RFX3: variants seen among roughly 807,000 people sequenced by gnomAD.
The protein encoded by RFX3 is regulatory factor X3.
A neutral mutation model predicts 98.6 loss-of-function variants in RFX3; 14 were observed. That is an observed-to-expected ratio of 0.14 (90% CI 0.09 to 0.22). The LOEUF (loss-of-function observed/expected upper bound fraction) is 0.22, where lower values mean the gene tolerates loss of function less well. Among genes scored for constraint, RFX3 ranks in the 10% least tolerant of loss-of-function variants. The pLI is 1.00. For missense variants in RFX3, 639 were observed against 926.9 expected, an observed-to-expected ratio of 0.69 and a Z score of 4.03; for synonymous variants, 383 against 328.4, an observed-to-expected ratio of 1.17 and a Z score of -1.80.
intron 1 of RFX3, among the ~76,000 whole-genome samples, chr9:3,429,046 G>A (rs1448387051): frequency 2.1e-5 from 3 of 142,586 alleles, no homozygotes; most frequent in South Asian, 2.1e-4. Context: ...TTTTTGAGAC[G>A]GAGTCTCGCT....
In RFX3 at chr9:3,245,478, T is replaced by A. The variant is rs140651002; in HGVS notation, c.1968+2554A>T. Among the ~76,000 whole-genome samples the A allele has an allele frequency of 4.8e-3, 729 of 152,130 alleles. 2 individuals are homozygous for A. The highest frequency in any genetic ancestry group is 0.017 in the African/African-American group (706 of 41,486). On this transcript the variant is annotated intron_variant, in intron 15 of 16. Transcript: ENST00000617270. ...GGGAAAGTCACTGAAGGGTTTCAAG[T>A]GGGGGATGACACAGTCAGCTTTGCA...
chr9:3,400,429 C>T (rs183322735), intron 1 of RFX3, among the ~76,000 whole-genome samples: 54 of 152,328 alleles, frequency 3.5e-4, no homozygotes, highest in African/African-American at 1.3e-3. Flanking sequence ...AAGCCTAGTC[C>T]TGCACAACCA....
intron 4 of RFX3, among the ~76,000 whole-genome samples, chr9:3,327,992 A>C (rs1171142420): frequency 6.6e-6 from 1 of 152,186 alleles, no homozygotes; most frequent in Non-Finnish European, 1.5e-5. Flanking sequence ...TGAGAGAGCA[A>C]GTAAATTTAG....
chr9:3,515,572 G>C (rs948168218), intron 1 of RFX3, among the ~76,000 whole-genome samples: 2 of 152,090 alleles, frequency 1.3e-5, no homozygotes, highest in Admixed American at 6.6e-5. Flanking sequence ...TCTAACAATA[G>C]AAACAGGATA....
intron 1 of RFX3, among the ~76,000 whole-genome samples, chr9:3,467,740 AAC>A (rs1253271320): frequency 6.6e-6 from 1 of 152,198 alleles, no homozygotes; most frequent in Non-Finnish European, 1.5e-5. Context: ...GAATGGAAAG[AAC>A]AGAGGACAAT....
intron 2 of RFX3, among the ~76,000 whole-genome samples, chr9:3,394,123 T>C (rs1840605737): frequency 6.6e-6 from 1 of 152,124 alleles, no homozygotes; most frequent in African/African-American, 2.4e-5. Flanking sequence ...GTTGTATATG[T>C]GTATATGGCA....
At chr9:3,309,908 C>A (rs976107005) in intron 4 of RFX3, among the ~76,000 whole-genome samples, 1 of 151,986 alleles carries the variant, frequency 6.6e-6, no homozygotes, top group African/African-American at 2.4e-5. Context: ...TTAGAGGAGA[C>A]GGAATGATCC....
At chr9:3,360,271 TA>T (rs200858827) in intron 2 of RFX3, among the ~76,000 whole-genome samples, 6 of 150,798 alleles carry the variant, frequency 4.0e-5, no homozygotes, top group East Asian at 3.9e-4. Context: ...ACTTTAAAAT[TA>T]AAAAAAAACA....
chr9:3,342,644 G>T (rs1215374531), intron 3 of RFX3, among the ~76,000 whole-genome samples: 5 of 151,876 alleles, frequency 3.3e-5, no homozygotes, highest in Non-Finnish European at 5.9e-5. Context: ...AAAAAAGAGT[G>T]GGGGAAGAAA....
intron 1 of RFX3, among the ~76,000 whole-genome samples, chr9:3,475,159 C>G (rs552824225): frequency 7.3e-5 from 11 of 151,350 alleles, no homozygotes; most frequent in African/African-American, 2.2e-4. Flanking sequence ...AGGTTGCCAA[C>G]TATAAACAGT....
intron 1 of RFX3, among the ~76,000 whole-genome samples, chr9:3,464,658 T>C (rs1564135024): frequency 6.6e-6 from 1 of 152,008 alleles, no homozygotes; most frequent in Non-Finnish European, 1.5e-5. Context: ...CTTGTGGGGG[T>C]GATGGAAATG....
intron 1 of RFX3, among the ~76,000 whole-genome samples, chr9:3,464,590 C>A (rs1295625368): frequency 2.0e-5 from 3 of 152,128 alleles, no homozygotes; most frequent in Middle Eastern, 6.8e-3. Context: ...AGTAGATCTG[C>A]GGTTGCCAGG....
rs1044280264 is a variant in RFX3, at chr9:3,224,343, T to A, written c.*699A>T. ...TTCAATGTTTAACGGAAGCTTGCAT[T>A]GTTAACATGGTTTAATAATTATGTA... is the stretch of plus-strand genomic sequence containing the variant. On this transcript the variant is annotated 3_prime_UTR_variant, in exon 17 of 17. Transcript: ENST00000617270. 2 of 152,220 alleles carry A rather than the reference T, an allele frequency of 1.3e-5. No individual in the cohort carries two copies. Among genetic ancestry groups the A allele is most frequent in the African/African-American group, 4.8e-5 (2 of 41,462 alleles). 9.4% of individuals were successfully genotyped at this position (152,220 alleles called of 1,614,324 possible). A position where few individuals can be genotyped will look rare whatever the true frequency, so the allele number is the denominator to read the frequency against.
intron 1 of RFX3, among the ~76,000 whole-genome samples, chr9:3,442,603 C>T (rs1343705467): frequency 4.6e-5 from 7 of 152,150 alleles, no homozygotes; most frequent in Non-Finnish European, 1.0e-4. Context: ...AATATACCCC[C>T]TGGTTGCCTA....
chr9:3,331,285 T>G (rs926805937), intron 3 of RFX3, among the ~76,000 whole-genome samples: 2 of 152,192 alleles, frequency 1.3e-5, no homozygotes, highest in Admixed American at 1.3e-4. Context: ...AGTATGACAC[T>G]GTTGGCCACT....
intron 1 of RFX3, among the ~76,000 whole-genome samples, chr9:3,492,238 G>A (rs1195139566): frequency 6.6e-6 from 1 of 152,124 alleles, no homozygotes; most frequent in African/African-American, 2.4e-5. Flanking sequence ...TAATTCTCCT[G>A]AAACCCAGTG....
At chr9:3,277,922 C>A (rs1825447116) in intron 7 of RFX3, among the ~76,000 whole-genome samples, 1 of 151,930 alleles carries the variant, frequency 6.6e-6, no homozygotes, top group East Asian at 1.9e-4. Flanking sequence ...CAAATCCTAT[C>A]ATATTGTTTT....
At chr9:3,416,637 A>AT (rs1421286009) in intron 1 of RFX3, among the ~76,000 whole-genome samples, 1 of 152,182 alleles carries the variant, frequency 6.6e-6, no homozygotes, top group African/African-American at 2.4e-5. Context: ...TTCTTACCCT[A>AT]TACATGAAGT....
intron 1 of RFX3, among the ~76,000 whole-genome samples, chr9:3,525,025 A>C (rs564109204): frequency 3.3e-4 from 50 of 151,844 alleles, no homozygotes; most frequent in Non-Finnish European, 6.0e-4. Flanking sequence ...AAGAGTGCTG[A>C]ATGGATGTTA....
Sources: allele counts gnomAD v4.1 joint callset (sites outside exome capture counted in the v4.1 genomes callset), GRCh38; gene constraint gnomAD v4.1.1; transcripts MANE v1.5; gene names NCBI Gene and HGNC (gene_info 2026-07-23, HGNC 2026-07-21).